ADAMTS17: variants seen among roughly 807,000 people sequenced by gnomAD.
ADAMTS17 encodes ADAM metallopeptidase with thrombospondin type 1 motif 17, also known as A disintegrin and metalloproteinase with thrombospondin motifs 17.
In ADAMTS17, 113 loss-of-function variants were observed where a neutral mutation model predicts 141.5. The ratio of observed to expected loss-of-function variants is 0.80; its 90% CI spans 0.69 to 0.93. The LOEUF (loss-of-function observed/expected upper bound fraction) is 0.93. ADAMTS17 is among the 40% of genes least tolerant of loss of function. The pLI is 0.00. For missense variants in ADAMTS17, 1,659 were observed against 1,517.9 expected, an observed-to-expected ratio of 1.09 and a Z score of -1.54; for synonymous variants, 768 against 630.6, an observed-to-expected ratio of 1.22 and a Z score of -3.27.
chr15:100,117,074 T>C, intron 12 of ADAMTS17, 61 bp from the exon 13 acceptor site: 1 of 1,535,376 alleles, frequency 6.5e-7, no homozygotes, highest in Non-Finnish European at 8.8e-7. Context: ...AGGAGAGCTG[T>C]TTCCGTCTCT....
intron 7 of ADAMTS17, among the ~76,000 whole-genome samples, chr15:100,242,438 C>CA (rs1567415479): frequency 6.6e-6 from 1 of 152,142 alleles, no homozygotes; most frequent in Non-Finnish European, 1.5e-5. Flanking sequence ...GCCTAGCAAC[C>CA]AAAAAAGAAA....
chr15:100,225,461 TCATG>T (rs199519153), intron 7 of ADAMTS17, among the ~76,000 whole-genome samples: 2 of 150,416 alleles, frequency 1.3e-5, no homozygotes, highest in African/African-American at 4.9e-5. Context: ...CTGTGCCCAT[TCATG>T]CAGTCCTTAC....
At chr15:100,321,200 T>C (rs899472692) in intron 3 of ADAMTS17, among the ~76,000 whole-genome samples, 3 of 152,158 alleles carry the variant, frequency 2.0e-5, no homozygotes, top group African/African-American at 7.2e-5. Context: ...AAAATTTTAA[T>C]AGATTATCAA....
intron 6 of ADAMTS17, among the ~76,000 whole-genome samples, chr15:100,255,347 C>T (rs146550832): frequency 6.9e-4 from 104 of 151,650 alleles, no homozygotes; most frequent in African/African-American, 1.9e-3. Context: ...GCCCAAAGAA[C>T]GCTTGAGATC....
chr15:100,033,098 C>T (rs188807670), intron 18 of ADAMTS17, among the ~76,000 whole-genome samples: 47 of 152,280 alleles, frequency 3.1e-4, no homozygotes, highest in African/African-American at 1.1e-3. Flanking sequence ...ACTAAGCTCT[C>T]AACGGGAAGC....
intron 15 of ADAMTS17, among the ~76,000 whole-genome samples, chr15:100,084,398 T>C (rs1462607394): frequency 1.3e-5 from 2 of 152,190 alleles, no homozygotes; most frequent in Non-Finnish European, 2.9e-5. Context: ...CCTGCCTCTG[T>C]AGACTCCACC....
chr15:100,041,625 GC>G (rs2031264064), intron 18 of ADAMTS17, among the ~76,000 whole-genome samples: 1 of 152,210 alleles, frequency 6.6e-6, no homozygotes, highest in Non-Finnish European at 1.5e-5. Context: ...TGTGATTTCT[GC>G]CATGCCTGCC....
rs943727216 is a variant in ADAMTS17, at chr15:99,972,216, A to C, written c.*2186T>G. ...CAATGAGCTGAGATCGCGCCACTGC[A>C]CTCCAGCCTGGGCAACAGAGGGAGA... On this transcript the variant is annotated 3_prime_UTR_variant, in exon 22 of 22. Coordinates refer to ENST00000268070, the MANE Select transcript of ADAMTS17 (RefSeq NM_139057.4). The C allele has an allele frequency of 6.6e-6, 1 of 152,206 alleles. No individual in the cohort carries two copies. Among genetic ancestry groups the C allele is most frequent in the African/African-American group, 2.4e-5 (1 of 41,420 alleles). The allele number at this position is 152,206 out of a possible 1,614,324, so 9.4% of individuals were successfully genotyped here. A position where few individuals can be genotyped will look rare whatever the true frequency, so the allele number is the denominator to read the frequency against.
intron 8 of ADAMTS17, among the ~76,000 whole-genome samples, chr15:100,197,997 G>A (rs926005011): frequency 6.6e-6 from 1 of 152,130 alleles, no homozygotes; most frequent in Non-Finnish European, 1.5e-5. Context: ...ACACAGGGAG[G>A]GAATACCACA....
At chr15:100,110,736 C>T (rs11854415) in intron 13 of ADAMTS17, among the ~76,000 whole-genome samples, 21,998 of 152,098 alleles carry the variant, frequency 0.14, 1,884 homozygotes, top group Admixed American at 0.21. Flanking sequence ...CTCCTTGCTG[C>T]TCTTTGTCTT....
intron 3 of ADAMTS17, among the ~76,000 whole-genome samples, chr15:100,319,177 G>A (rs2045654311): frequency 6.6e-6 from 1 of 152,232 alleles, no homozygotes; most frequent in Admixed American, 6.5e-5. Flanking sequence ...GGCAGGGGGT[G>A]GCCTTGAGCC....
intron 18 of ADAMTS17, among the ~76,000 whole-genome samples, chr15:100,020,536 C>T (rs1328707741): frequency 1.3e-5 from 2 of 152,208 alleles, no homozygotes; most frequent in Non-Finnish European, 2.9e-5. Context: ...CACTCCCTGA[C>T]TCCCCCAGAG....
chr15:99,992,975 C>T, intron 20 of ADAMTS17, 73 bp downstream of exon 20: 3 of 1,596,276 alleles, frequency 1.9e-6, no homozygotes, highest in Non-Finnish European at 2.6e-6. Flanking sequence ...GGACCCGTCA[C>T]AAGAGCTGAG....
intron 18 of ADAMTS17, among the ~76,000 whole-genome samples, chr15:100,011,931 T>C (rs1267307831): frequency 6.6e-6 from 1 of 152,232 alleles, no homozygotes; most frequent in Non-Finnish European, 1.5e-5. Context: ...CTGGGCCAAA[T>C]GGTAGTTCTA....
chr15:100,307,983 C>G (rs1005255297), intron 3 of ADAMTS17, among the ~76,000 whole-genome samples: 119 of 152,362 alleles, frequency 7.8e-4, no homozygotes, highest in East Asian at 5.8e-4. Context: ...ACGTTCTAAG[C>G]AGCTGGTGCA....
intron 3 of ADAMTS17, among the ~76,000 whole-genome samples, chr15:100,325,917 G>A (rs925090490): frequency 6.6e-6 from 1 of 152,192 alleles, no homozygotes; most frequent in African/African-American, 2.4e-5. Flanking sequence ...CATAGCCTCA[G>A]AAGGAACCAA....
chr15:100,143,087 A>G (rs1342826996), intron 10 of ADAMTS17, among the ~76,000 whole-genome samples: 1 of 152,096 alleles, frequency 6.6e-6, no homozygotes. Context: ...TGGTCATTAA[A>G]CAGCACCTTT....
chr15:100,098,463 A>G (rs2035897451), intron 14 of ADAMTS17, among the ~76,000 whole-genome samples: 1 of 152,120 alleles, frequency 6.6e-6, no homozygotes, highest in South Asian at 2.1e-4. Context: ...CCTGGTCAAC[A>G]TGGTGAAACC....
At chr15:100,047,333 T>C (rs6598296) in intron 18 of ADAMTS17, among the ~76,000 whole-genome samples, 23,493 of 116,794 alleles carry the variant, frequency 0.2, 3,097 homozygotes, top group East Asian at 0.38. Flanking sequence ...TTGTGATATC[T>C]TATTACCTTG....
Sources: allele counts gnomAD v4.1 joint callset (sites outside exome capture counted in the v4.1 genomes callset), GRCh38; gene constraint gnomAD v4.1.1; transcripts MANE v1.5; gene names NCBI Gene and HGNC (gene_info 2026-07-23, HGNC 2026-07-21).